PKP2: variants seen among roughly 807,000 people sequenced by gnomAD.
The protein encoded by PKP2 is plakophilin-2.
A neutral mutation model predicts 83.4 loss-of-function variants in PKP2; 73 were observed. That is an observed-to-expected ratio of 0.88 (90% CI 0.72 to 1.06). PKP2 has a LOEUF of 1.06. Ranked by LOEUF, PKP2 falls within the 50% of genes least tolerant of loss-of-function variation. The pLI, the probability that PKP2 is intolerant of heterozygous loss-of-function variation, is 0.00. For missense variants in PKP2, 966 were observed against 1,065.4 expected, an observed-to-expected ratio of 0.91 and a Z score of 1.30; for synonymous variants, 409 against 430.4, an observed-to-expected ratio of 0.95 and a Z score of 0.62.
intron 6 of PKP2, among the ~76,000 whole-genome samples, chr12:32,827,757 T>C (rs755094885): frequency 4.1e-4 from 62 of 152,198 alleles, no homozygotes; most frequent in Admixed American, 9.8e-4. Context: ...ACAAACATGG[T>C]AGTTACTTAA....
intron 3 of PKP2, among the ~76,000 whole-genome samples, chr12:32,872,488 C>T (rs973134144): frequency 7.9e-5 from 12 of 152,106 alleles, no homozygotes; most frequent in Non-Finnish European, 1.3e-4. Context: ...GAGCCGAGAT[C>T]GTGCCATTGC....
chr12:32,844,723 C>G (rs1479784377), intron 5 of PKP2, among the ~76,000 whole-genome samples: 3 of 152,092 alleles, frequency 2.0e-5, no homozygotes, highest in African/African-American at 7.2e-5. Context: ...AGGGCTTTTA[C>G]CCTGAAATTA....
In PKP2 at chr12:32,874,427, T is replaced by C. The variant is rs554827133; in HGVS notation, c.1034+3419A>G. 2.6e-5 allele frequency among the ~76,000 whole-genome samples: 4 copies of C among 152,218 alleles called. No homozygotes were observed. The South Asian group carries it at 8.3e-4, about 32-fold the overall frequency. ...CAAAATACGTCTGGCTCCCTCTCCT[T>C]TTCACAGAGAGCCAAATTTTCCTTT... On this transcript the variant is annotated intron_variant, in intron 3 of 12. Coordinates refer to ENST00000340811, the MANE Select transcript of PKP2 (RefSeq NM_001005242.3).
chr12:32,857,954 G>A (rs1956763409), intron 4 of PKP2, among the ~76,000 whole-genome samples: 2 of 148,832 alleles, frequency 1.3e-5, no homozygotes, highest in South Asian at 4.2e-4. Flanking sequence ...AGGCCCTGGT[G>A]TGGTGGCTCA....
At chr12:32,823,977 G>C in intron 7 of PKP2, 68 bp downstream of exon 7, 1 of 947,072 alleles carries the variant, frequency 1.1e-6, no homozygotes, top group Non-Finnish European at 1.7e-6. Context: ...CTAAAACCAA[G>C]CGGCTATCTT....
chr12:32,860,517 C>G (rs1042501088), intron 4 of PKP2, among the ~76,000 whole-genome samples: 1 of 152,154 alleles, frequency 6.6e-6, no homozygotes, highest in Non-Finnish European at 1.5e-5. Flanking sequence ...TTAATTATCT[C>G]TAGAATAAAT....
chr12:32,872,822 G>C (rs1256293299), intron 3 of PKP2, among the ~76,000 whole-genome samples: 2 of 152,088 alleles, frequency 1.3e-5, no homozygotes, highest in East Asian at 1.9e-4. Flanking sequence ...TTGAAAGAGA[G>C]ACAGCGTTGA....
intron 6 of PKP2, among the ~76,000 whole-genome samples, chr12:32,834,413 G>T (rs550684238): frequency 1.3e-5 from 2 of 152,282 alleles, no homozygotes; most frequent in South Asian, 4.1e-4. Context: ...TCTGATAGCT[G>T]GTTCTACAAT....
At chr12:32,878,805 T>A in intron 2 of PKP2, 115 bp downstream of exon 2, 1 of 749,598 alleles carries the variant, frequency 1.3e-6, no homozygotes. Flanking sequence ...TCAAAACTCA[T>A]TTAGGAAATG....
chr12:32,840,069 A>T (rs1353329113), intron 6 of PKP2, among the ~76,000 whole-genome samples: 1 of 152,140 alleles, frequency 6.6e-6, no homozygotes, highest in Non-Finnish European at 1.5e-5. Context: ...AACTTCAGTG[A>T]CTGTCAGAAT....
chr12:32,857,487 T>C (rs1956760458), intron 4 of PKP2, among the ~76,000 whole-genome samples: 1 of 151,952 alleles, frequency 6.6e-6, no homozygotes, highest in Admixed American at 6.6e-5. Flanking sequence ...AGAATCCTAA[T>C]CAAACAAAAT....
intron 4 of PKP2, among the ~76,000 whole-genome samples, chr12:32,859,212 G>A (rs937847997): frequency 3.9e-5 from 6 of 152,046 alleles, no homozygotes; most frequent in Non-Finnish European, 7.4e-5. Context: ...TTGATGCTTT[G>A]GAAAGACTAG....
intron 10 of PKP2, among the ~76,000 whole-genome samples, 163 bp from the exon 11 acceptor site, chr12:32,796,461 C>A (rs1956125763): frequency 6.6e-6 from 1 of 152,320 alleles, no homozygotes; most frequent in East Asian, 1.9e-4. Context: ...TGGCTCACTG[C>A]AAGCTCTGCC....
rs552566623 is a variant in PKP2 at position 32,891,309 on chromosome 12, T to C, written c.223+5200A>G. Among the ~76,000 whole-genome samples, 4 of 152,340 alleles carry C rather than the reference T, an allele frequency of 2.6e-5. No individual in the cohort carries two copies. In the South Asian group the frequency reaches 8.3e-4, roughly 32 times the overall value. ...TATAGGCCATATTAATCATCTGATT[T>C]ATAAACTCCAGAGGTTTTAGCATCA... On this transcript the variant is annotated intron_variant, in intron 1 of 12. Transcript: ENST00000340811.
chr12:32,889,740 A>G (rs563119042), intron 1 of PKP2, among the ~76,000 whole-genome samples: 1 of 152,242 alleles, frequency 6.6e-6, no homozygotes, highest in East Asian at 1.9e-4. Context: ...GTATACGGAG[A>G]GGAAGGAAAG....
At position 32,792,501 on chromosome 12, in the gene PKP2, T is replaced by TA. The variant is rs397517024; in HGVS notation, c.2446-10dup. On this transcript the variant is annotated splice_polypyrimidine_tract_variant and intron_variant, in intron 12 of 12. Transcript: ENST00000340811. ...GTCTTCTTAAACTGAGCCTTTGGAA[T>TA]AAGCAAACAGAAACGTGAAAGGTAA... 1.6e-4 allele frequency: 265 copies of TA among 1,612,536 alleles called. 1 individual carries two copies. The highest frequency in any genetic ancestry group is 3.3e-5 in the Admixed American group (2 of 60,002).
chr12:32,830,722 A>G (rs1212193899), intron 6 of PKP2, among the ~76,000 whole-genome samples: 1 of 152,088 alleles, frequency 6.6e-6, no homozygotes, highest in Non-Finnish European at 1.5e-5. Context: ...CCTGGCCAAC[A>G]TGGTGAAACC....
At chr12:32,805,331 G>C (rs1209725611) in intron 9 of PKP2, among the ~76,000 whole-genome samples, 1 of 152,006 alleles carries the variant, frequency 6.6e-6, no homozygotes, top group African/African-American at 2.4e-5. Context: ...GTCAATTTTT[G>C]CTTTCATTGC....
chr12:32,860,101 A>G (rs1956785370), intron 4 of PKP2, among the ~76,000 whole-genome samples: 1 of 152,234 alleles, frequency 6.6e-6, no homozygotes, highest in Non-Finnish European at 1.5e-5. Context: ...GATCCCTTAG[A>G]TATCACTGCC....
Sources: allele counts gnomAD v4.1 joint callset (sites outside exome capture counted in the v4.1 genomes callset), GRCh38; gene constraint gnomAD v4.1.1; transcripts MANE v1.5; gene names NCBI Gene and HGNC (gene_info 2026-07-23, HGNC 2026-07-21).